CNPY1: variants seen among roughly 807,000 people sequenced by gnomAD.
The protein encoded by CNPY1 is protein canopy homolog 1.
In CNPY1, 14 loss-of-function variants were observed where a neutral mutation model predicts 14.4. That is an observed-to-expected ratio of 0.97 (90% CI 0.64 to 1.52). The LOEUF (loss-of-function observed/expected upper bound fraction) is 1.52, where lower values mean the gene tolerates loss of function less well. Ranked by LOEUF, CNPY1 falls within the 40% of genes most tolerant of loss-of-function variation. CNPY1 has a pLI of 0.00. For synonymous variants in CNPY1, 43 were observed against 46.5 expected (o/e 0.92, Z 0.31); for missense variants, 129 against 131.5 (o/e 0.98, Z 0.09).
intron 2 of CNPY1, among the ~76,000 whole-genome samples, chr7:155,517,756 G>A (rs1203970381): frequency 6.6e-6 from 1 of 152,218 alleles, no homozygotes; most frequent in African/African-American, 2.4e-5. Context: ...CTGGCCATGG[G>A]CGGGGATAGC....
At chr7:155,525,286 T>G (rs1796799867) in intron 2 of CNPY1, among the ~76,000 whole-genome samples, 1 of 152,162 alleles carries the variant, frequency 6.6e-6, no homozygotes. Flanking sequence ...GTTCAAGCGA[T>G]TCTCCTGCCT....
rs1301090053 is a variant in CNPY1, at chr7:155,507,061, T to A, written c.359A>T (p.Glu120Val). 4 of 1,612,788 alleles carry A rather than the reference T, an allele frequency of 2.5e-6. No individual in the cohort carries two copies. Among genetic ancestry groups the A allele is most frequent in the Non-Finnish European group, 3.4e-6 (4 of 1,179,218 alleles). ...CAGCTTGTCAGCTAGATAGTGTGTC[T>A]CCTGGGCGATAAGTGAGGATATTTC... Reference protein sequence around the residue: ...EDEISSLIAQETHYLADKLCS... With the variant: ...EDEISSLIAQVTHYLADKLCS... Residue 120 changes from glutamate (E) to valine (V), a missense_variant, in exon 4 of 5, where the codon GAG (glutamate) becomes GTG (valine). Coordinates refer to ENST00000636446, the MANE Select transcript of CNPY1 (RefSeq NM_001393663.1).
chr7:155,517,350 T>G (rs1343453318), intron 2 of CNPY1, among the ~76,000 whole-genome samples: 1 of 152,202 alleles, frequency 6.6e-6, no homozygotes, highest in Non-Finnish European at 1.5e-5. Context: ...CTGAGACACC[T>G]TGATCCTAGG....
Position 155,528,878 on chromosome 7 carries a change from A to G in CNPY1, c.99+16953T>C, listed in dbSNP as rs138789601. Among the ~76,000 whole-genome samples, 776 of 152,204 alleles carry G rather than the reference A, an allele frequency of 5.1e-3. 8 individuals carry two copies. The highest frequency in any genetic ancestry group is 0.013 in the East Asian group (65 of 5,164). ...GATCAAGACCATCCTGGCTAACATGATGAAACTGTGTCTCTACTAAAAATA... is the reference window on the plus strand; with the variant it reads ...GATCAAGACCATCCTGGCTAACATGGTGAAACTGTGTCTCTACTAAAAATA... On this transcript the variant is annotated intron_variant, in intron 2 of 4. Transcript: ENST00000636446.
intron 2 of CNPY1, among the ~76,000 whole-genome samples, chr7:155,545,056 C>T (rs749365227): frequency 9.9e-5 from 15 of 152,210 alleles, no homozygotes; most frequent in Non-Finnish European, 2.2e-4. Context: ...ACGGACCCCA[C>T]ACAGACAGCC....
At chr7:155,537,189 A>G (rs1797033764) in intron 2 of CNPY1, among the ~76,000 whole-genome samples, 1 of 152,212 alleles carries the variant, frequency 6.6e-6, no homozygotes, top group African/African-American at 2.4e-5. Flanking sequence ...TCCTTGGCCA[A>G]TGAGAGTTAT....
At position 155,520,330 on chromosome 7, in the gene CNPY1, C is replaced by T. The variant is rs114071411; in HGVS notation, c.100-11233G>A. Among the ~76,000 whole-genome samples, 274 of 152,008 alleles carry T rather than the reference C, an allele frequency of 1.8e-3. 3 individuals carry two copies. Among genetic ancestry groups the T allele is most frequent in the African/African-American group, 6.2e-3 (259 of 41,456 alleles). ...ACAGATAGTGTGAGCTTCGTTGTGC[C>T]GGCCGAGAGCACCCACATGCGGTCC... is the stretch of plus-strand genomic sequence containing the variant. On this transcript the variant is annotated intron_variant, in intron 2 of 4. Coordinates refer to ENST00000636446, the MANE Select transcript of CNPY1 (RefSeq NM_001393663.1).
intron 2 of CNPY1, among the ~76,000 whole-genome samples, chr7:155,528,748 A>G (rs1019890006): frequency 6.6e-6 from 1 of 152,180 alleles, no homozygotes; most frequent in East Asian, 1.9e-4. Context: ...GTTATAGACA[A>G]GGCTTCTCCA....
chr7:155,544,556 A>G (rs1797136648), intron 2 of CNPY1, among the ~76,000 whole-genome samples: 1 of 152,290 alleles, frequency 6.6e-6, no homozygotes, highest in East Asian at 1.9e-4. Flanking sequence ...TGTGGACACA[A>G]TGCACACACA....
chr7:155,546,550 G>A lies in CNPY1; in HGVS notation c.-136C>T, dbSNP rs1797158667. ...AGAGTCTTGCTCTGTCACCCAGGCT[G>A]GAGTGCAGTGGTGCAATCTCAGCTC... On this transcript the variant is annotated 5_prime_UTR_variant, in exon 1 of 5. Coordinates refer to ENST00000636446, the MANE Select transcript of CNPY1 (RefSeq NM_001393663.1). 1 of 389,384 alleles carries A rather than the reference G, an allele frequency of 2.6e-6. No homozygotes were observed. The highest frequency in any genetic ancestry group is 4.5e-6 in the Non-Finnish European group (1 of 220,170). 24.1% of individuals were successfully genotyped at this position (389,384 alleles called of 1,614,324 possible).
intron 2 of CNPY1, among the ~76,000 whole-genome samples, chr7:155,540,165 CG>C (rs1797067512): frequency 6.6e-6 from 1 of 152,128 alleles, no homozygotes; most frequent in African/African-American, 2.4e-5. Context: ...TTTCCTAAGT[CG>C]GATAAGGAAA....
intron 2 of CNPY1, among the ~76,000 whole-genome samples, chr7:155,541,877 AG>A (rs1797088298): frequency 6.6e-6 from 1 of 152,212 alleles, no homozygotes; most frequent in Admixed American, 6.5e-5. Context: ...AGCCCTATAG[AG>A]GGGATGCTTT....
At chr7:155,528,856 C>A (rs377350199) in intron 2 of CNPY1, among the ~76,000 whole-genome samples, 1 of 152,084 alleles carries the variant, frequency 6.6e-6, no homozygotes, top group Non-Finnish European at 1.5e-5. Context: ...GTCAGGAGAT[C>A]AAGACCATCC....
At chr7:155,504,616 A>T (rs1796231607) in intron 4 of CNPY1, among the ~76,000 whole-genome samples, 1 of 152,076 alleles carries the variant, frequency 6.6e-6, no homozygotes, top group African/African-American at 2.4e-5. Context: ...TGAATATTTT[A>T]ACAGCATAGA....
At chr7:155,540,605 G>T (rs1797072473) in intron 2 of CNPY1, among the ~76,000 whole-genome samples, 1 of 152,216 alleles carries the variant, frequency 6.6e-6, no homozygotes, top group Non-Finnish European at 1.5e-5. Context: ...TTCGCAGAGA[G>T]CGAGGCCTTG....
chr7:155,532,595 TG>T (rs951080873), intron 2 of CNPY1, among the ~76,000 whole-genome samples: 42 of 151,308 alleles, frequency 2.8e-4, no homozygotes, highest in Admixed American at 7.9e-4. Flanking sequence ...CACTCCAGCC[TG>T]GGCGAGAGTG....
chr7:155,503,343 T>C (rs1335524844), intron 4 of CNPY1, among the ~76,000 whole-genome samples: 1 of 152,184 alleles, frequency 6.6e-6, no homozygotes, highest in Non-Finnish European at 1.5e-5. Context: ...TTCTTGCCCA[T>C]ATTCCAGTCT....
intron 2 of CNPY1, among the ~76,000 whole-genome samples, chr7:155,517,732 T>C (rs1453787798): frequency 6.6e-6 from 1 of 152,228 alleles, no homozygotes; most frequent in South Asian, 2.1e-4. Flanking sequence ...CTAGCCTGGC[T>C]TCACTTTTAT....
At chr7:155,542,893 C>G (rs758352213) in intron 2 of CNPY1, among the ~76,000 whole-genome samples, 1 of 152,200 alleles carries the variant, frequency 6.6e-6, no homozygotes, top group Non-Finnish European at 1.5e-5. Flanking sequence ...CCTCCCAGAC[C>G]CACCCCCGCC....
Sources: allele counts gnomAD v4.1 joint callset (sites outside exome capture counted in the v4.1 genomes callset), GRCh38; gene constraint gnomAD v4.1.1; transcripts MANE v1.5; gene names NCBI Gene and HGNC (gene_info 2026-07-23, HGNC 2026-07-21).